Variants in GPC3 observed in about 807,000 individuals in gnomAD.
The protein encoded by GPC3 is glypican-3.
GPC3 carries 3 observed loss-of-function variants against 34.4 expected under a neutral mutation model. That is an observed-to-expected ratio of 0.09 (90% CI 0.04 to 0.23). The LOEUF (loss-of-function observed/expected upper bound fraction) is 0.23, where lower values mean the gene tolerates loss of function less well. Ranked by LOEUF, GPC3 falls within the 10% of genes least tolerant of loss-of-function variation. The probability of loss-of-function intolerance (pLI) is 1.00; values close to 1 mark genes in which losing one functional copy is unlikely to be tolerated. For synonymous variants in GPC3, 177 were observed against 174.0 expected, an observed-to-expected ratio of 1.02 and a Z score of -0.13; for missense variants, 351 against 445.6, an observed-to-expected ratio of 0.79 and a Z score of 1.91.
intron 7 of GPC3, among the ~76,000 whole-genome samples, chrX:133,555,838 A>T (rs1287291389): frequency 2.8e-5 from 3 of 107,845 alleles, no homozygotes; most frequent in African/African-American, 1.1e-4. Context: ...AAAAAAAAAA[A>T]TAAAAAAAAA....
chrX:133,587,308 C>T (rs7891016), intron 7 of GPC3, among the ~76,000 whole-genome samples: 6,994 of 111,455 alleles, frequency 0.063, 573 homozygotes, highest in African/African-American at 0.22. Flanking sequence ...TACTCCACGG[C>T]GTACATATAC....
At chrX:133,966,566 A>G (rs1219146681) in intron 1 of GPC3, among the ~76,000 whole-genome samples, 2 of 112,308 alleles carry the variant, frequency 1.8e-5, no homozygotes, top group East Asian at 5.6e-4. Flanking sequence ...CCTCTATTAT[A>G]TCTTTCCCCT....
chrX:133,626,649 A>G (rs2070300374), intron 6 of GPC3, among the ~76,000 whole-genome samples: 1 of 109,006 alleles, frequency 9.2e-6, no homozygotes, highest in Non-Finnish European at 1.9e-5. Context: ...GGCGATCATT[A>G]AAATGTTAGG....
intron 2 of GPC3, among the ~76,000 whole-genome samples, chrX:133,869,751 A>C (rs1569448021): frequency 3.6e-5 from 4 of 111,726 alleles, no homozygotes; most frequent in Non-Finnish European, 7.5e-5. Flanking sequence ...ATCAAGACAG[A>C]GACCATCCTG....
intron 6 of GPC3, among the ~76,000 whole-genome samples, chrX:133,659,120 TA>T (rs1358998660): frequency 8.9e-6 from 1 of 112,437 alleles, no homozygotes; most frequent in Non-Finnish European, 1.9e-5. Context: ...TATATATGTA[TA>T]TGATAGATAT....
At chrX:133,853,414 T>C (rs2075884885) in intron 2 of GPC3, among the ~76,000 whole-genome samples, 1 of 111,845 alleles carries the variant, frequency 8.9e-6, no homozygotes, top group Non-Finnish European at 1.9e-5. Context: ...TAGTCATTTC[T>C]CTCCTCTCCA....
rs145698324 is a variant in GPC3, at chrX:133,555,536, T to G, written c.1574-19243A>C. Among the ~76,000 whole-genome samples, 465 of 111,968 alleles carry G rather than the reference T, an allele frequency of 4.2e-3. 1 individual carries two copies. Among genetic ancestry groups the G allele is most frequent in the African/African-American group, 0.014 (426 of 30,855 alleles). ...TCTCTCAGGCATTTCAGACTCAACATGCCACTGAAGGCTGGGTGTGGTGGC... is the reference window on the plus strand; with the variant it reads ...TCTCTCAGGCATTTCAGACTCAACAGGCCACTGAAGGCTGGGTGTGGTGGC... On this transcript the variant is annotated intron_variant, in intron 7 of 7. Transcript: ENST00000370818.
chrX:133,940,055 C>T, intron 2 of GPC3, among the ~76,000 whole-genome samples: 1 of 111,030 alleles, frequency 9.0e-6, no homozygotes. Flanking sequence ...CTGAAAAGTA[C>T]TAAAATGAAC....
chrX:133,575,699 A>G (rs977756319), intron 7 of GPC3, among the ~76,000 whole-genome samples: 2 of 111,874 alleles, frequency 1.8e-5, no homozygotes, highest in Non-Finnish European at 3.8e-5. Context: ...ATGATAGTCT[A>G]GGATATACTG....
chrX:133,849,084 C>CTTT lies in GPC3; in HGVS notation c.338-94911_338-94909dup, dbSNP rs60339728. ...AGATTACTAAGGAAAACTAAAGTTT[C>CTTT]TTTTTTTTTTTTTTTTTTTTTTTTT... On this transcript the variant is annotated intron_variant, in intron 2 of 7. Transcript: ENST00000370818. Among the ~76,000 whole-genome samples the CTTT allele has an allele frequency of 5.4e-4, 25 of 46,278 alleles. 1 individual carries two copies. The highest frequency in any genetic ancestry group is 8.2e-4 in the Non-Finnish European group (21 of 25,639). The allele number at this position is 46,278 out of a possible 115,157, so 40.2% of individuals were successfully genotyped here. A position where few individuals can be genotyped will look rare whatever the true frequency, so the allele number is the denominator to read the frequency against.
chrX:133,985,109 T>A (rs1278488370), intron 1 of GPC3, among the ~76,000 whole-genome samples, 166 bp downstream of exon 1: 1 of 111,691 alleles, frequency 9.0e-6, no homozygotes, highest in Non-Finnish European at 1.9e-5. Flanking sequence ...CCTCTCTCCC[T>A]CCCTCAGTAG....
chrX:133,804,082 G>A lies in GPC3; in HGVS notation c.338-49906C>T. Among the ~76,000 whole-genome samples, 2 of 110,239 alleles carry A rather than the reference G, an allele frequency of 1.8e-5. 1 individual carries two copies. Among genetic ancestry groups the A allele is most frequent in the Middle Eastern group, 8.5e-3 (2 of 235 alleles). ...TCAAATCCAGAAGATTGAAATGGAA[G>A]TGGCTCCACTATTTCTGGTGTTTTC... On this transcript the variant is annotated intron_variant, in intron 2 of 7. Transcript: ENST00000370818.
chrX:133,719,339 C>T (rs1176268894), intron 3 of GPC3, among the ~76,000 whole-genome samples: 3 of 111,426 alleles, frequency 2.7e-5, no homozygotes, highest in African/African-American at 9.8e-5. Flanking sequence ...AACCAATGGG[C>T]CAAAGATGAA....
intron 2 of GPC3, among the ~76,000 whole-genome samples, chrX:133,885,124 C>G (rs1181407542): frequency 1.8e-5 from 2 of 111,786 alleles, no homozygotes; most frequent in Non-Finnish European, 3.8e-5. Flanking sequence ...TCCCCCTCTC[C>G]AAGACATTTG....
At chrX:133,935,471 C>A (rs1002301270) in intron 2 of GPC3, among the ~76,000 whole-genome samples, 1 of 110,986 alleles carries the variant, frequency 9.0e-6, no homozygotes, top group Middle Eastern at 4.2e-3. Context: ...CTTCTTCTCT[C>A]TCTGACCTCC....
At chrX:133,610,964 C>T (rs957735195) in intron 6 of GPC3, among the ~76,000 whole-genome samples, 1 of 107,121 alleles carries the variant, frequency 9.3e-6, no homozygotes, top group Non-Finnish European at 1.9e-5. Context: ...AGAAAGTCTA[C>T]GAAGACAATA....
intron 2 of GPC3, among the ~76,000 whole-genome samples, chrX:133,768,064 G>A (rs1407539022): frequency 9.0e-6 from 1 of 110,672 alleles, no homozygotes; most frequent in East Asian, 2.8e-4. Flanking sequence ...AGTCTAGCTG[G>A]GCACGTTAGT....
At chrX:133,884,456 A>C (rs1383540396) in intron 2 of GPC3, among the ~76,000 whole-genome samples, 1 of 111,786 alleles carries the variant, frequency 8.9e-6, no homozygotes. Context: ...TGGTAATATT[A>C]ACTTGTCATT....
At chrX:133,573,433 CA>C (rs1363518296) in intron 7 of GPC3, among the ~76,000 whole-genome samples, 3 of 111,612 alleles carry the variant, frequency 2.7e-5, no homozygotes, top group African/African-American at 9.8e-5. Context: ...CAAAACAAAT[CA>C]AAGGCATCCA....
Sources: allele counts gnomAD v4.1 joint callset (sites outside exome capture counted in the v4.1 genomes callset), GRCh38; gene constraint gnomAD v4.1.1; transcripts MANE v1.5; gene names NCBI Gene and HGNC (gene_info 2026-07-23, HGNC 2026-07-21).